The following TAS1R1 variants were observed in gnomAD, a reference collection of about 807,000 sequenced individuals.
TAS1R1 encodes taste receptor type 1 member 1.
In TAS1R1, 31 loss-of-function variants were observed where a neutral mutation model predicts 45.8. That is an observed-to-expected ratio of 0.68 (90% CI 0.51 to 0.91). The LOEUF (loss-of-function observed/expected upper bound fraction) is 0.91, where lower values mean the gene tolerates loss of function less well. Ranked by LOEUF, TAS1R1 falls within the 40% of genes least tolerant of loss-of-function variation. TAS1R1 has a pLI of 0.00. For synonymous variants in TAS1R1, 437 were observed against 448.4 expected (o/e 0.97, Z 0.32); for missense variants, 1,051 against 1,063.9 (o/e 0.99, Z 0.17).
chr1:6,561,185 G>A (rs1328325251), intron 1 of TAS1R1, among the ~76,000 whole-genome samples: 3 of 152,114 alleles, frequency 2.0e-5, no homozygotes, highest in Admixed American at 2.0e-4. Flanking sequence ...GCAGGGCCTA[G>A]GAGGGGCATT....
chr1:6,568,417 T>C (rs985293479), intron 1 of TAS1R1, among the ~76,000 whole-genome samples: 4 of 148,528 alleles, frequency 2.7e-5, no homozygotes, highest in African/African-American at 5.0e-5. Context: ...ATTGCGCCAC[T>C]GCACTCCAGC....
chr1:6,568,858 T>C (rs1177556823), intron 1 of TAS1R1, among the ~76,000 whole-genome samples: 1 of 152,060 alleles, frequency 6.6e-6, no homozygotes, highest in African/African-American at 2.4e-5. Flanking sequence ...TCATGCCAAG[T>C]GAGTTCATAA....
At chr1:6,573,725 C>G (rs929436869) in intron 2 of TAS1R1, among the ~76,000 whole-genome samples, 1 of 151,800 alleles carries the variant, frequency 6.6e-6, no homozygotes, top group East Asian at 1.9e-4. Flanking sequence ...TGCAGTGGCG[C>G]GATCTCGACT....
At chr1:6,561,490 T>G (rs1039356513) in intron 1 of TAS1R1, among the ~76,000 whole-genome samples, 1 of 152,140 alleles carries the variant, frequency 6.6e-6, no homozygotes, top group Non-Finnish European at 1.5e-5. Flanking sequence ...GGCGGGCTGA[T>G]CATGAGGTCA....
At chr1:6,560,415 G>C (rs1438162326) in intron 1 of TAS1R1, among the ~76,000 whole-genome samples, 1 of 152,232 alleles carries the variant, frequency 6.6e-6, no homozygotes, top group Admixed American at 6.5e-5. Flanking sequence ...AGACTAGGGG[G>C]TATAAGTGTA....
At chr1:6,555,892 G>A (rs1441924221) in intron 1 of TAS1R1, among the ~76,000 whole-genome samples, 1 of 8,280 alleles carries the variant, frequency 1.2e-4, no homozygotes, top group African/African-American at 1.8e-4. Context: ...TTTTTTTTGA[G>A]ACGGAGTCTC....
chr1:6,576,976 C>T lies in TAS1R1; in HGVS notation c.1500C>T (p.Asp500=). ...TGCCTAAGTCTGTGTGTTCCAGCGACTGTCTTGAAGGGCACCAGCGAGTGG... is the reference window on the plus strand; with the variant it reads ...TGCCTAAGTCTGTGTGTTCCAGCGATTGTCTTGAAGGGCACCAGCGAGTGG... ...NQVPKSVCSS[D]CLEGHQRVVT... is the part of the protein sequence containing the mutation. Residue 500 remains aspartate, a synonymous_variant, in exon 5 of 6, where the codon GAC becomes GAT. Coordinates refer to ENST00000333172, the MANE Select transcript of TAS1R1 (RefSeq NM_138697.4). The T allele has an allele frequency of 6.2e-7, 1 of 1,614,266 alleles. No individual in the cohort carries two copies. The highest frequency in any genetic ancestry group is 1.1e-5 in the South Asian group (1 of 91,090).
At position 6,563,248 on chromosome 1, in the gene TAS1R1, G is replaced by A. The variant is rs143448651; in HGVS notation, c.192-7661G>A. On this transcript the variant is annotated intron_variant, in intron 1 of 5. Transcript: ENST00000333172. ...TGGTGGTCATTTGGGGCTTGAAGCTGTAAGGTATGGTTACATTGATGGGAC... is the reference window on the plus strand; with the variant it reads ...TGGTGGTCATTTGGGGCTTGAAGCTATAAGGTATGGTTACATTGATGGGAC... 4.6e-4 allele frequency among the ~76,000 whole-genome samples: 70 copies of A among 152,318 alleles called. No individual in the cohort carries two copies. The South Asian group carries it at 5.8e-3, about 13-fold the overall frequency.
intron 1 of TAS1R1, among the ~76,000 whole-genome samples, chr1:6,560,610 G>T (rs930524243): frequency 6.6e-6 from 1 of 152,170 alleles, no homozygotes; most frequent in African/African-American, 2.4e-5. Context: ...GCCTTTGCCG[G>T]GTTGGGTCCC....
In TAS1R1 at chr1:6,574,830, C is replaced by G. The variant is rs1206645817; in HGVS notation, c.698C>G (p.Thr233Ser). Residue 233 changes from threonine to serine, a missense_variant, in exon 3 of 6, where the codon ACT becomes AGT. By Grantham distance (58) the Thr-to-Ser change is moderately conservative. Transcript: ENST00000333172. This position sits in a 1 kb window ranked among gnomAD's most constrained non-coding sequence, Gnocchi z 4.3. ...GTGCAGGCACTGGAGAACCAGGCCACTGGTCAGGGGATCTGCATTGCTTTC... is the reference window on the plus strand; with the variant it reads ...GTGCAGGCACTGGAGAACCAGGCCAGTGGTCAGGGGATCTGCATTGCTTTC... The part of the protein sequence containing the change: ...LGVQALENQA[T>S]GQGICIAFKD... 2 of 1,614,244 alleles carry G rather than the reference C, an allele frequency of 1.2e-6. No individual in the cohort carries two copies. Among genetic ancestry groups the G allele is most frequent in the Non-Finnish European group, 1.7e-6 (2 of 1,180,046 alleles).
Position 6,579,646 on chromosome 1 carries a change from G to A in TAS1R1, c.*62G>A, listed in dbSNP as rs950906658. On this transcript the variant is annotated 3_prime_UTR_variant, in exon 6 of 6. Transcript: ENST00000333172. Reference sequence around the variant, plus strand: ...GCCCTGAGGGTCGAAGGTCGAGCAGGCCGGGGGTGTCCGGGAGGTCTTTGG... The same window carrying A: ...GCCCTGAGGGTCGAAGGTCGAGCAGACCGGGGGTGTCCGGGAGGTCTTTGG... 6 of 1,533,910 alleles carry A rather than the reference G, an allele frequency of 3.9e-6. No individual in the cohort carries two copies. Among genetic ancestry groups the A allele is most frequent in the Non-Finnish European group, 5.2e-6 (6 of 1,147,166 alleles).
Position 6,575,214 on chromosome 1 carries a change from A to G in TAS1R1, c.1082A>G (p.Asn361Ser), listed in dbSNP as rs1310576961. The G allele has an allele frequency of 8.1e-6, 13 of 1,612,944 alleles. No homozygotes were observed. The highest frequency in any genetic ancestry group is 1.0e-5 in the Non-Finnish European group (12 of 1,179,608). The change falls in exon 3 of 6, where the codon AAT (asparagine) becomes AGT (serine). Residue 361 changes from asparagine (N) to serine (S), a missense_variant. Asn to Ser is a conservative substitution (Grantham distance 46, BLOSUM62 1). Coordinates refer to ENST00000333172, the MANE Select transcript of TAS1R1 (RefSeq NM_138697.4). ...CACAAGGGCTCCTGGTGCAGCAGCAATCAGCTCTGCAGAGAATGCCAAGCT... is the reference window on the plus strand; with the variant it reads ...CACAAGGGCTCCTGGTGCAGCAGCAGTCAGCTCTGCAGAGAATGCCAAGCT... ...PCHKGSWCSSNQLCRECQAFM... is the reference protein window; with the variant it reads ...PCHKGSWCSSSQLCRECQAFM...
In TAS1R1 at chr1:6,579,628, G is replaced by A; in HGVS notation, c.*44G>A. 1 of 1,564,346 alleles carries A rather than the reference G, an allele frequency of 6.4e-7. No homozygotes were observed. Among genetic ancestry groups the A allele is most frequent in the African/African-American group, 1.3e-5 (1 of 74,378 alleles). Reference sequence around the variant, plus strand: ...CGGCTGGCAGCCTTCTCTGCCCTGAGGGTCGAAGGTCGAGCAGGCCGGGGG... The same window carrying A: ...CGGCTGGCAGCCTTCTCTGCCCTGAAGGTCGAAGGTCGAGCAGGCCGGGGG... On this transcript the variant is annotated 3_prime_UTR_variant, in exon 6 of 6. Coordinates refer to ENST00000333172, the MANE Select transcript of TAS1R1 (RefSeq NM_138697.4).
At chr1:6,557,769 A>G (rs996784771) in intron 1 of TAS1R1, among the ~76,000 whole-genome samples, 2 of 152,062 alleles carry the variant, frequency 1.3e-5, no homozygotes, top group East Asian at 1.9e-4. Flanking sequence ...GGATCTCACT[A>G]TGTTGTCCAG....
chr1:6,569,303 A>G (rs1018799769), intron 1 of TAS1R1, among the ~76,000 whole-genome samples: 2 of 152,162 alleles, frequency 1.3e-5, no homozygotes, highest in Non-Finnish European at 2.9e-5. Flanking sequence ...GGATTTGGAA[A>G]GTAGAACAGG....
At chr1:6,564,603 G>A (rs1570110651) in intron 1 of TAS1R1, among the ~76,000 whole-genome samples, 1 of 152,038 alleles carries the variant, frequency 6.6e-6, no homozygotes, top group East Asian at 1.9e-4. Flanking sequence ...TGATGACTGG[G>A]TTCAGTATGG....
Position 6,576,942 on chromosome 1 carries a change from T to G in TAS1R1, c.1474-8T>G. On this transcript the variant is annotated splice_region_variant and splice_polypyrimidine_tract_variant and intron_variant, in intron 4 of 5. Coordinates refer to ENST00000333172, the MANE Select transcript of TAS1R1 (RefSeq NM_138697.4). ...GCCCCTACGTGTGGCCCCTCTGGCT[T>G]CTTACAGGTGCCTAAGTCTGTGTGT... 2 of 1,614,244 alleles carry G rather than the reference T, an allele frequency of 1.2e-6. No individual in the cohort carries two copies. The highest frequency in any genetic ancestry group is 1.7e-6 in the Non-Finnish European group (2 of 1,180,024).
chr1:6,567,439 A>T (rs955078921), intron 1 of TAS1R1, among the ~76,000 whole-genome samples: 2 of 152,070 alleles, frequency 1.3e-5, no homozygotes, highest in Non-Finnish European at 2.9e-5. Flanking sequence ...GTGCGCCTGT[A>T]GTCCCAGCTA....
chr1:6,560,856 C>T (rs1172706044), intron 1 of TAS1R1, among the ~76,000 whole-genome samples: 3 of 151,718 alleles, frequency 2.0e-5, no homozygotes, highest in South Asian at 4.2e-4. Context: ...TGGTGATGGG[C>T]GCCTGTAGTC....
Sources: gnomAD v4.1 joint callset for allele counts (sites outside exome capture counted in the v4.1 genomes callset) on GRCh38, gnomAD v4.1.1 for gene constraint, Gnocchi (gnomAD v3.1) non-coding constraint, MANE v1.5 for transcripts, NCBI Gene and HGNC (gene_info 2026-07-23, HGNC 2026-07-21) for gene names.